ARHGAP39: variants seen among roughly 807,000 people sequenced by gnomAD.
ARHGAP39 encodes the protein Rho GTPase activating protein 39, also known as rho GTPase-activating protein 39.
ARHGAP39 carries 44 observed loss-of-function variants against 106.9 expected under a neutral mutation model. That is an observed-to-expected ratio of 0.41 (90% confidence interval 0.32 to 0.53). The LOEUF (loss-of-function observed/expected upper bound fraction) is 0.53, where lower values mean the gene tolerates loss of function less well. Ranked by LOEUF, ARHGAP39 falls within the 20% of genes least tolerant of loss-of-function variation. ARHGAP39 has a pLI of 0.21. For synonymous variants in ARHGAP39, 768 were observed against 693.2 expected (o/e 1.11, Z -1.69); for missense variants, 1,496 against 1,577.3 (o/e 0.95, Z 0.87).
In ARHGAP39 at chr8:144,544,800, G is replaced by A. The variant is rs182332538; in HGVS notation, c.2521+449C>T. Among the ~76,000 whole-genome samples the A allele has an allele frequency of 7.3e-4, 112 of 152,384 alleles. 2 individuals are homozygous for A. The East Asian group carries it at 0.018, about 25-fold the overall frequency. On this transcript the variant is annotated intron_variant, in intron 6 of 11. Transcript: ENST00000377307. ...TCATCAAGCTCCTGCCTGCTCACAG[G>A]AGCCTTCTGCCAGGACCATGCCCAG...
intron 7 of ARHGAP39, among the ~76,000 whole-genome samples, chr8:144,536,339 C>G (rs1382668891): frequency 6.6e-6 from 1 of 152,132 alleles, no homozygotes; most frequent in African/African-American, 2.4e-5. Flanking sequence ...TCCCAGGCCA[C>G]CAGGTGTGGC....
At chr8:144,685,065 T>C (rs1822544206) in intron 1 of ARHGAP39, among the ~76,000 whole-genome samples, 1 of 151,796 alleles carries the variant, frequency 6.6e-6, no homozygotes, top group Admixed American at 6.6e-5. Context: ...TGGGCACACG[T>C]GCACCCACAC....
At chr8:144,555,914 G>C (rs1434982039) in intron 3 of ARHGAP39, among the ~76,000 whole-genome samples, 1 of 152,178 alleles carries the variant, frequency 6.6e-6, no homozygotes, top group Non-Finnish European at 1.5e-5. Flanking sequence ...CTGTTCTAAG[G>C]GCATAGAGAT....
At chr8:144,593,221 G>A (rs568670116) in intron 2 of ARHGAP39, among the ~76,000 whole-genome samples, 2 of 152,280 alleles carry the variant, frequency 1.3e-5, no homozygotes, top group South Asian at 4.2e-4. Flanking sequence ...TCTGATGAAT[G>A]TAATGAGTGC....
chr8:144,687,314 C>T (rs1329291061), upstream of ARHGAP39, among the ~76,000 whole-genome samples: 15 of 39,172 alleles, frequency 3.8e-4, no homozygotes, highest in African/African-American at 6.2e-4. Flanking sequence ...TGACCACGCA[C>T]TGGCGGCGAG....
Position 144,641,488 on chromosome 8 carries a change from CA to C in ARHGAP39, c.-81-35794del, listed in dbSNP as rs1437065991. Among the ~76,000 whole-genome samples, 2 of 152,192 alleles carry C rather than the reference CA, an allele frequency of 1.3e-5. No individual in the cohort carries two copies. The highest frequency in any genetic ancestry group is 2.1e-4 in the South Asian group (1 of 4,814). On this transcript the variant is annotated intron_variant, in intron 1 of 11. Coordinates refer to ENST00000377307, the MANE Select transcript of ARHGAP39 (RefSeq NM_025251.3). The surrounding 1 kb of genome is among the most constrained non-coding windows in gnomAD (Gnocchi z 5.2). ...GCGCCCAGGTGGCCAACTCCCGAGG[CA>C]GGAGCTCAGGCAGGGCCCTGGCAGC... is the stretch of plus-strand genomic sequence containing the variant.
At chr8:144,540,525 G>A (rs1817146598) in intron 6 of ARHGAP39, among the ~76,000 whole-genome samples, 1 of 152,196 alleles carries the variant, frequency 6.6e-6, no homozygotes, top group South Asian at 2.1e-4. Context: ...ATGAGGCCAG[G>A]CTTGGTGGCT....
At chr8:144,675,016 T>C (rs1822196067) in intron 1 of ARHGAP39, among the ~76,000 whole-genome samples, 1 of 151,968 alleles carries the variant, frequency 6.6e-6, no homozygotes, top group Non-Finnish European at 1.5e-5. Flanking sequence ...TCTGGGTCCA[T>C]AGCCACAGCT....
chr8:144,587,386 C>T (rs930632431), intron 2 of ARHGAP39, among the ~76,000 whole-genome samples: 13 of 152,084 alleles, frequency 8.5e-5, no homozygotes, highest in Admixed American at 3.3e-4. Flanking sequence ...CTGGCATTCA[C>T]GACAAGATGA....
At chr8:144,681,902 T>C (rs960895109) in intron 1 of ARHGAP39, among the ~76,000 whole-genome samples, 1 of 152,130 alleles carries the variant, frequency 6.6e-6, no homozygotes, top group Non-Finnish European at 1.5e-5. Context: ...AGGGAAGAGG[T>C]GACCAGACTT....
intron 2 of ARHGAP39, among the ~76,000 whole-genome samples, chr8:144,596,402 G>A (rs1223079327): frequency 2.6e-5 from 4 of 152,046 alleles, no homozygotes; most frequent in East Asian, 1.9e-4. Context: ...CCACCCCGGC[G>A]CTGTCCATCA....
At position 144,559,331 on chromosome 8, in the gene ARHGAP39, G is replaced by A. The variant is rs1401900896; in HGVS notation, c.513-3688C>T. Among the ~76,000 whole-genome samples, 5 of 132,878 alleles carry A rather than the reference G, an allele frequency of 3.8e-5. No homozygotes were observed. The East Asian group carries it at 7.2e-4, about 19-fold the overall frequency. 87.2% of individuals were successfully genotyped at this position (132,878 alleles called of 152,430 possible). ...CAGTGAGCCGAGATCGTGCAAGCCC[G>A]GGTGACAGAGTGACTTTGTCTCCAA... On this transcript the variant is annotated intron_variant, in intron 3 of 11. Transcript: ENST00000377307.
In ARHGAP39 at chr8:144,677,181, C is replaced by T. The variant is rs533242836; in HGVS notation, c.-82+8505G>A. Among the ~76,000 whole-genome samples, 21 of 152,318 alleles carry T rather than the reference C, an allele frequency of 1.4e-4. No individual in the cohort carries two copies. The South Asian group carries it at 2.9e-3, about 21-fold the overall frequency. ...ACCACATTGTGTTTATCCGTTCATC[C>T]GCTGATGGACATTTAGGTTGTCTCC... On this transcript the variant is annotated intron_variant, in intron 1 of 11. Transcript: ENST00000377307.
In ARHGAP39 at chr8:144,600,345, T is replaced by G. The variant is rs547997408; in HGVS notation, c.80+5190A>C. ...GTGCACTTGTGTACCTGAGTGTGCA[T>G]GTGCGTGGAGGCATGCGTGCACACT... On this transcript the variant is annotated intron_variant, in intron 2 of 11. Coordinates refer to ENST00000377307, the MANE Select transcript of ARHGAP39 (RefSeq NM_025251.3). Among the ~76,000 whole-genome samples the G allele has an allele frequency of 2.7e-5, 4 of 150,688 alleles. No individual in the cohort carries two copies. The South Asian group carries it at 8.4e-4, about 32-fold the overall frequency.
chr8:144,563,478 T>C (rs1382554049), intron 3 of ARHGAP39, among the ~76,000 whole-genome samples: 1 of 152,026 alleles, frequency 6.6e-6, no homozygotes, highest in Non-Finnish European at 1.5e-5. Context: ...CCTCAACCAC[T>C]ATTAAACACT....
At chr8:144,632,112 C>T (rs916655455) in intron 1 of ARHGAP39, among the ~76,000 whole-genome samples, 1 of 152,328 alleles carries the variant, frequency 6.6e-6, no homozygotes. Context: ...AGTGCTGATT[C>T]TGCTTTCTTT....
chr8:144,592,661 G>C (rs1443071429), intron 2 of ARHGAP39, among the ~76,000 whole-genome samples: 1 of 151,290 alleles, frequency 6.6e-6, no homozygotes, highest in African/African-American at 2.4e-5. Context: ...GAAACCTGAG[G>C]GCACCTCCTG....
intron 1 of ARHGAP39, among the ~76,000 whole-genome samples, chr8:144,615,351 A>G (rs1264687061): frequency 6.6e-6 from 1 of 152,124 alleles, no homozygotes; most frequent in Non-Finnish European, 1.5e-5. Flanking sequence ...ACAAGTCTGT[A>G]TCTTACAGAA....
In ARHGAP39 at chr8:144,684,657, C is replaced by G. The variant is rs1822529928; in HGVS notation, c.-82+1029G>C. Among the ~76,000 whole-genome samples, 1 of 152,206 alleles carries G rather than the reference C, an allele frequency of 6.6e-6. No homozygotes were observed. Among genetic ancestry groups the G allele is most frequent in the Admixed American group, 6.5e-5 (1 of 15,276 alleles). On this transcript the variant is annotated intron_variant, in intron 1 of 11. Coordinates refer to ENST00000377307, the MANE Select transcript of ARHGAP39 (RefSeq NM_025251.3). This position sits in a 1 kb window ranked among gnomAD's most constrained non-coding sequence, Gnocchi z 4.4. ...TTTAAAATAAAAAACGTCCTGGGCC[C>G]CAAAATGCACAGCCCGCCTCTCTCG... is the stretch of plus-strand genomic sequence containing the variant.
Sources: allele counts gnomAD v4.1 joint callset (sites outside exome capture counted in the v4.1 genomes callset), GRCh38; gene constraint gnomAD v4.1.1; non-coding constraint Gnocchi (gnomAD v3.1); transcripts MANE v1.5; gene names NCBI Gene and HGNC (gene_info 2026-07-23, HGNC 2026-07-21).